Variants in DMD observed in about 807,000 individuals in gnomAD.
The protein encoded by DMD is mutant dystrophin.
Under a neutral mutation model 330.1 loss-of-function variants are expected in DMD, and 63 were observed. The observed-to-expected ratio is 0.19, with a 90% CI of 0.16 to 0.24. The LOEUF (loss-of-function observed/expected upper bound fraction) is 0.24. DMD is among the 10% of genes least tolerant of loss of function. The pLI, the probability that DMD is intolerant of heterozygous loss-of-function variation, is 1.00. For synonymous variants in DMD, 1,223 were observed against 959.8 expected (o/e 1.27, Z -5.07); for missense variants, 3,344 against 2,684.1 (o/e 1.25, Z -5.43).
At chrX:32,726,467 T>C (rs1028965955) in intron 7 of DMD, among the ~76,000 whole-genome samples, 2 of 111,485 alleles carry the variant, frequency 1.8e-5, no homozygotes, top group Non-Finnish European at 3.8e-5. Context: ...ACCTTGCCAA[T>C]GATCTTGGAT....
At chrX:31,504,185 A>G (rs191541916) in intron 56 of DMD, among the ~76,000 whole-genome samples, 26 of 111,364 alleles carry the variant, frequency 2.3e-4, no homozygotes, top group Non-Finnish European at 3.8e-4. Context: ...ATGTATCAAT[A>G]TGGCATAACA....
At chrX:31,743,149 C>G (rs755378415) in intron 51 of DMD, among the ~76,000 whole-genome samples, 1 of 111,909 alleles carries the variant, frequency 8.9e-6, no homozygotes, top group Non-Finnish European at 1.9e-5. Flanking sequence ...CAACGAGATA[C>G]CGTCTCACAC....
chrX:31,843,209 T>C (rs1419056756), intron 48 of DMD, among the ~76,000 whole-genome samples: 1 of 111,874 alleles, frequency 8.9e-6, no homozygotes, highest in Non-Finnish European at 1.9e-5. Flanking sequence ...TTTGGTAGAA[T>C]GATTTATTTA....
chrX:32,839,271 C>T (rs1449880011), intron 4 of DMD, among the ~76,000 whole-genome samples: 1 of 111,285 alleles, frequency 9.0e-6, no homozygotes, highest in East Asian at 2.8e-4. Flanking sequence ...GTCTTTATTA[C>T]CGTGCCTAAC....
chrX:32,980,896 A>G (rs5928133), intron 2 of DMD, among the ~76,000 whole-genome samples: 34,757 of 110,672 alleles, frequency 0.31, 4,039 homozygotes, highest in Non-Finnish European at 0.35. Context: ...TTTGCTAATA[A>G]TTTGCCTAGT....
intron 9 of DMD, among the ~76,000 whole-genome samples, chrX:32,678,500 G>T (rs1013209756): frequency 1.0e-5 from 1 of 97,466 alleles, no homozygotes; most frequent in African/African-American, 4.6e-5. Context: ...TTGCGTGTCC[G>T]TGTGTGTGTG....
At chrX:32,248,423 G>A (rs907132882) in intron 43 of DMD, among the ~76,000 whole-genome samples, 4 of 109,516 alleles carry the variant, frequency 3.7e-5, no homozygotes, top group African/African-American at 1.3e-4. Flanking sequence ...TTCTTTTTTG[G>A]AGCTGTTTAC....
At chrX:32,766,340 T>C (rs1013004934) in intron 7 of DMD, among the ~76,000 whole-genome samples, 1 of 111,537 alleles carries the variant, frequency 9.0e-6, no homozygotes, top group African/African-American at 3.3e-5. Context: ...CTGGGGTTCC[T>C]TTTCATTTAT....
intron 11 of DMD, among the ~76,000 whole-genome samples, chrX:32,635,654 T>G (rs59119477): frequency 1.4e-3 from 152 of 111,977 alleles, no homozygotes; most frequent in African/African-American, 4.5e-3. Flanking sequence ...CACATAGTTT[T>G]TTGTTGTTGT....
At chrX:31,897,381 A>T (rs1306904982) in intron 47 of DMD, among the ~76,000 whole-genome samples, 2 of 106,925 alleles carry the variant, frequency 1.9e-5, no homozygotes, top group Admixed American at 1.0e-4. Context: ...CGCAATAAAC[A>T]TACGTGTGCA....
chrX:33,003,725 A>G (rs1301421966), intron 2 of DMD, among the ~76,000 whole-genome samples: 4 of 112,227 alleles, frequency 3.6e-5, no homozygotes, highest in African/African-American at 1.3e-4. Flanking sequence ...TCACAATATC[A>G]GCTATCATAA....
At chrX:32,975,411 A>G (rs2092519791) in intron 2 of DMD, among the ~76,000 whole-genome samples, 1 of 101,339 alleles carries the variant, frequency 9.9e-6, no homozygotes, top group African/African-American at 3.8e-5. Context: ...TCCTGGAAGA[A>G]TTGGAAATCA....
rs374257225 is a variant in DMD at position 32,696,275 on chromosome X, G to A, written c.960+1595C>T. Among the ~76,000 whole-genome samples the A allele has an allele frequency of 4.5e-5, 5 of 111,934 alleles. No homozygotes were observed. In the East Asian group the frequency reaches 1.4e-3, roughly 32 times the overall value. ...CACTTTTGAAATAAATGTTCTTAGT[G>A]TGAATAATTAAGGCATACACTTATC... On this transcript the variant is annotated intron_variant, in intron 9 of 78. Coordinates refer to ENST00000357033, the MANE Select transcript of DMD (RefSeq NM_004006.3).
chrX:32,256,913 T>C (rs2097301816), intron 43 of DMD, among the ~76,000 whole-genome samples: 1 of 111,345 alleles, frequency 9.0e-6, no homozygotes, highest in African/African-American at 3.3e-5. Context: ...CCTTTGTGGG[T>C]AACCCAGCCT....
At chrX:31,995,567 A>G (rs894428476) in intron 44 of DMD, among the ~76,000 whole-genome samples, 1 of 111,547 alleles carries the variant, frequency 9.0e-6, no homozygotes, top group African/African-American at 3.3e-5. Context: ...TGCTTTATCT[A>G]TTTTTCTTTG....
intron 45 of DMD, among the ~76,000 whole-genome samples, chrX:31,955,878 G>A (rs2095240972): frequency 8.9e-6 from 1 of 111,866 alleles, no homozygotes; most frequent in South Asian, 3.7e-4. Context: ...TATATATTGG[G>A]CCAAATATTA....
At chrX:31,604,915 A>G (rs2077538959) in intron 55 of DMD, among the ~76,000 whole-genome samples, 2 of 112,252 alleles carry the variant, frequency 1.8e-5, no homozygotes, top group South Asian at 7.4e-4. Context: ...ATGTCAAAAG[A>G]TTAAAACTGC....
intron 51 of DMD, among the ~76,000 whole-genome samples, chrX:31,759,509 T>C (rs2089403814): frequency 9.0e-6 from 1 of 111,442 alleles, no homozygotes; most frequent in Admixed American, 9.6e-5. Context: ...AGATTTTAAG[T>C]TTTATAATTA....
At chrX:31,400,360 T>G (rs1271858756) in intron 60 of DMD, among the ~76,000 whole-genome samples, 1 of 111,349 alleles carries the variant, frequency 9.0e-6, no homozygotes, top group Non-Finnish European at 1.9e-5. Context: ...CCCACCCTTC[T>G]GGATGGAACA....
Sources: gnomAD v4.1 joint callset for allele counts (sites outside exome capture counted in the v4.1 genomes callset) on GRCh38, gnomAD v4.1.1 for gene constraint, MANE v1.5 for transcripts, NCBI Gene and HGNC (gene_info 2026-07-23, HGNC 2026-07-21) for gene names.